The following ARHGAP35 variants were observed in gnomAD, a reference collection of about 807,000 sequenced individuals.
ARHGAP35 encodes rho GTPase-activating protein 35.
Under a neutral mutation model 111.1 loss-of-function variants are expected in ARHGAP35, and 15 were observed. The ratio of observed to expected loss-of-function variants is 0.13; its 90% confidence interval spans 0.09 to 0.21. The LOEUF (loss-of-function observed/expected upper bound fraction) is 0.21. Among genes scored for constraint, ARHGAP35 ranks in the 10% least tolerant of loss-of-function variants. ARHGAP35 has a pLI of 1.00. For missense variants in ARHGAP35, 1,262 were observed against 1,873.0 expected, an observed-to-expected ratio of 0.67 and a Z score of 6.02; for synonymous variants, 643 against 710.3, an observed-to-expected ratio of 0.91 and a Z score of 1.51.
chr19:46,987,869 C>T (rs1209807187), intron 3 of ARHGAP35, 120 bp from the exon 4 acceptor site: 4 of 848,688 alleles, frequency 4.7e-6, no homozygotes, highest in African/African-American at 3.4e-5. Context: ...GAGGCCTGCT[C>T]CTCTCTTGTG....
intron 3 of ARHGAP35, among the ~76,000 whole-genome samples, chr19:46,973,501 A>G (rs1204932050): frequency 6.6e-6 from 1 of 151,498 alleles, no homozygotes; most frequent in Non-Finnish European, 1.5e-5. Flanking sequence ...TATCCTGGCT[A>G]ACACAGTGAA....
At position 46,919,583 on chromosome 19, in the gene ARHGAP35, C is replaced by T. The variant is rs554009214; in HGVS notation, c.908C>T (p.Pro303Leu). The change falls in exon 2 of 7, where the codon CCA (proline) becomes CTA (leucine). Residue 303 changes from proline to leucine, a missense_variant. By Grantham distance (98) the Pro-to-Leu change is moderately conservative (BLOSUM62 -3). Around this residue, in one of 8 missense-constraint regions of ARHGAP35, gnomAD observed 328 missense variants for 440.8 expected, o/e 0.74. Coordinates refer to ENST00000672722, the MANE Select transcript of ARHGAP35 (RefSeq NM_004491.5). This position sits in a 1 kb window ranked among gnomAD's most constrained non-coding sequence, Gnocchi z 6.2. ...LSVSRKMQAS[P>L]EYQDYVYLEG... ...GTCAGCCGAAAGATGCAGGCCTCTC[C>T]AGAATACCAGGACTATGTCTACCTG... The T allele has an allele frequency of 1.9e-6, 3 of 1,613,912 alleles. No homozygotes were observed. The highest frequency in any genetic ancestry group is 4.5e-5 in the East Asian group (2 of 44,880).
At chr19:46,933,526 G>T (rs1036494908) in intron 2 of ARHGAP35, among the ~76,000 whole-genome samples, 1 of 152,066 alleles carries the variant, frequency 6.6e-6, no homozygotes, top group African/African-American at 2.4e-5. Flanking sequence ...ATTATAAGCC[G>T]TGGTGGTTAA....
Position 46,903,792 on chromosome 19 carries a change from A to G in ARHGAP35, c.-188-14696A>G, listed in dbSNP as rs184465405. Among the ~76,000 whole-genome samples, 15 of 152,364 alleles carry G rather than the reference A, an allele frequency of 9.8e-5. No individual in the cohort carries two copies. The East Asian group carries it at 2.7e-3, about 27-fold the overall frequency. Reference sequence around the variant, plus strand: ...TTATCTAAAGGAAAATCATGAAGCTAGCACTTTATAGAAAATGCACTTATT... The same window carrying G: ...TTATCTAAAGGAAAATCATGAAGCTGGCACTTTATAGAAAATGCACTTATT... On this transcript the variant is annotated intron_variant, in intron 1 of 6. Coordinates refer to ENST00000672722, the MANE Select transcript of ARHGAP35 (RefSeq NM_004491.5).
chr19:46,949,533 G>A (rs1015910147), intron 3 of ARHGAP35, among the ~76,000 whole-genome samples: 4 of 152,118 alleles, frequency 2.6e-5, no homozygotes, highest in Admixed American at 2.6e-4. Context: ...AAAACAAGTG[G>A]CCTGAACTCA....
intron 1 of ARHGAP35, among the ~76,000 whole-genome samples, chr19:46,907,399 C>T (rs1454749635): frequency 2.0e-5 from 3 of 151,892 alleles, no homozygotes; most frequent in Non-Finnish European, 4.4e-5. Flanking sequence ...ATCCGCCCGC[C>T]TCGGCCTCCC....
rs1393739062 is a variant in ARHGAP35 at position 46,992,090 on chromosome 19, G to T, written c.4036+2415G>T. ...CCCACACTCAAGGTGACACGTGGGA[G>T]ATTCAGAAATGAACAGCAGCAGCAA... is the stretch of plus-strand genomic sequence containing the variant. On this transcript the variant is annotated intron_variant, in intron 5 of 6. Coordinates refer to ENST00000672722, the MANE Select transcript of ARHGAP35 (RefSeq NM_004491.5). The surrounding 1 kb of genome is among the most constrained non-coding windows in gnomAD (Gnocchi z 4.4). Among the ~76,000 whole-genome samples, 18 of 152,234 alleles carry T rather than the reference G, an allele frequency of 1.2e-4. No individual in the cohort carries two copies.
chr19:46,998,138 G>C (rs568307973), intron 5 of ARHGAP35, among the ~76,000 whole-genome samples: 1 of 152,160 alleles, frequency 6.6e-6, no homozygotes, highest in East Asian at 1.9e-4. Flanking sequence ...AGAATACTTG[G>C]TTCAGGGAGT....
intron 1 of ARHGAP35, among the ~76,000 whole-genome samples, chr19:46,863,946 T>A (rs1029345621): frequency 6.6e-6 from 1 of 152,224 alleles, no homozygotes; most frequent in Admixed American, 6.5e-5. Flanking sequence ...ACTTTGCGGT[T>A]GTTTGTTGAA....
In ARHGAP35 at chr19:46,892,940, T is replaced by C. The variant is rs79950219; in HGVS notation, c.-188-25548T>C. On this transcript the variant is annotated intron_variant, in intron 1 of 6. Coordinates refer to ENST00000672722, the MANE Select transcript of ARHGAP35 (RefSeq NM_004491.5). ...AGTCCAGTTCTCCATGCATCAGAGC[T>C]TCCTGGTGTTGCCTTTTAGAGTTCT... Among the ~76,000 whole-genome samples the C allele has an allele frequency of 1.1e-4, 17 of 152,266 alleles. No individual in the cohort carries two copies. In the East Asian group the frequency reaches 3.3e-3, roughly 29 times the overall value.
chr19:46,886,390 GT>G (rs533815800), intron 1 of ARHGAP35, among the ~76,000 whole-genome samples: 10 of 149,148 alleles, frequency 6.7e-5, no homozygotes, highest in Admixed American at 2.0e-4. Flanking sequence ...CGTAAGGGAG[GT>G]TTTTTTTTTC....
intron 3 of ARHGAP35, among the ~76,000 whole-genome samples, chr19:46,981,825 G>GTGTTT (rs55887324): frequency 0.2 from 29,548 of 147,254 alleles, 3,274 homozygotes; most frequent in Non-Finnish European, 0.26. Context: ...GTATTTTTTG[G>GTGTTT]TGTTTTGTTT....
At chr19:46,903,832 A>G (rs959686685) in intron 1 of ARHGAP35, among the ~76,000 whole-genome samples, 8 of 152,198 alleles carry the variant, frequency 5.3e-5, no homozygotes, top group African/African-American at 1.7e-4. Context: ...TCCTTGTATG[A>G]TCACAAATGT....
chr19:46,995,402 CA>C (rs1210311684), intron 5 of ARHGAP35, among the ~76,000 whole-genome samples: 5 of 152,062 alleles, frequency 3.3e-5, no homozygotes, highest in Non-Finnish European at 7.4e-5. Context: ...CTCCATCTCA[CA>C]AAAAGAAAAA....
intron 2 of ARHGAP35, among the ~76,000 whole-genome samples, chr19:46,931,747 G>A (rs1001996257): frequency 7.9e-5 from 12 of 152,148 alleles, no homozygotes; most frequent in South Asian, 2.1e-4. Flanking sequence ...GCATTTCTTC[G>A]TGGAGGAGAT....
chr19:46,878,235 C>G (rs2055937362), intron 1 of ARHGAP35, among the ~76,000 whole-genome samples: 1 of 152,112 alleles, frequency 6.6e-6, no homozygotes. Flanking sequence ...ATTGACCAGG[C>G]TGGTCTCAAA....
chr19:46,971,001 T>C (rs1443949483), intron 3 of ARHGAP35, among the ~76,000 whole-genome samples: 1 of 152,196 alleles, frequency 6.6e-6, no homozygotes, highest in Non-Finnish European at 1.5e-5. Context: ...CATTGTCACG[T>C]ATACTCACAC....
chr19:46,963,158 C>T (rs1008799688), intron 3 of ARHGAP35, among the ~76,000 whole-genome samples: 1 of 152,140 alleles, frequency 6.6e-6, no homozygotes, highest in African/African-American at 2.4e-5. Context: ...AGATTCTCAG[C>T]GTCCAGGATT....
intron 3 of ARHGAP35, among the ~76,000 whole-genome samples, chr19:46,950,407 T>C (rs1330654920): frequency 2.6e-5 from 4 of 152,234 alleles, no homozygotes; most frequent in African/African-American, 9.6e-5. Flanking sequence ...AATTTTGGTG[T>C]ACATATGTGT....
Sources: gnomAD v4.1 joint callset for allele counts (sites outside exome capture counted in the v4.1 genomes callset) on GRCh38, gnomAD v4.1.1 for gene constraint, gnomAD v4.1.1 regional missense constraint, Gnocchi (gnomAD v3.1) non-coding constraint, MANE v1.5 for transcripts, NCBI Gene and HGNC (gene_info 2026-07-23, HGNC 2026-07-21) for gene names.